The following DTD1 variants were observed in gnomAD, a reference collection of about 807,000 sequenced individuals.
DTD1 encodes the protein D-tyrosyl-tRNA deacylase 1 homolog.
In DTD1, 13 loss-of-function variants were observed where a neutral mutation model predicts 25.6. The ratio of observed to expected loss-of-function variants is 0.51; its 90% CI spans 0.33 to 0.81. The LOEUF (loss-of-function observed/expected upper bound fraction) is 0.81, where lower values mean the gene tolerates loss of function less well. DTD1 is among the 30% of genes least tolerant of loss of function. The pLI is 0.02. For missense variants in DTD1, 193 were observed against 266.4 expected, an observed-to-expected ratio of 0.72 and a Z score of 1.92; for synonymous variants, 110 against 103.6, an observed-to-expected ratio of 1.06 and a Z score of -0.37.
At chr20:18,663,225 A>C (rs2060918334) in intron 4 of DTD1, among the ~76,000 whole-genome samples, 1 of 152,174 alleles carries the variant, frequency 6.6e-6, no homozygotes, top group South Asian at 2.1e-4. Context: ...AGTTTCATAG[A>C]AAGTGTCCAT....
intron 4 of DTD1, among the ~76,000 whole-genome samples, chr20:18,637,957 G>A (rs1255727737): frequency 1.3e-5 from 2 of 152,104 alleles, no homozygotes; most frequent in Non-Finnish European, 2.9e-5. Flanking sequence ...CATCTTTTAA[G>A]GTTCATTTCA....
intron 4 of DTD1, chr20:18,643,529 A>T (rs1390408975): frequency 1.3e-5 from 2 of 156,888 alleles, no homozygotes; most frequent in African/African-American, 4.8e-5. Context: ...GATTGAAGCT[A>T]TTGATGAGAA....
intron 5 of DTD1, among the ~76,000 whole-genome samples, chr20:18,753,701 C>T (rs2061329256): frequency 6.6e-6 from 1 of 150,816 alleles, no homozygotes; most frequent in Non-Finnish European, 1.5e-5. Flanking sequence ...AAATAAAAGC[C>T]AATTGCTGTC....
At chr20:18,693,892 G>C (rs2061059498) in intron 4 of DTD1, among the ~76,000 whole-genome samples, 1 of 152,104 alleles carries the variant, frequency 6.6e-6, no homozygotes. Flanking sequence ...CAACATGCTA[G>C]CACCAGCCAC....
intron 4 of DTD1, among the ~76,000 whole-genome samples, chr20:18,662,785 A>G (rs1353074674): frequency 6.6e-6 from 1 of 152,154 alleles, no homozygotes; most frequent in Non-Finnish European, 1.5e-5. Flanking sequence ...TTAAATAGAT[A>G]TAAAACAGCC....
At chr20:18,605,921 A>G (rs1205943308) in intron 3 of DTD1, among the ~76,000 whole-genome samples, 3 of 150,440 alleles carry the variant, frequency 2.0e-5, no homozygotes, top group Non-Finnish European at 4.4e-5. Flanking sequence ...GACAAAATTG[A>G]CAAATGGGAT....
chr20:18,688,547 G>A (rs2122428303), intron 4 of DTD1, among the ~76,000 whole-genome samples: 1 of 152,230 alleles, frequency 6.6e-6, no homozygotes, highest in African/African-American at 2.4e-5. Context: ...GAGACAGGGT[G>A]ACCCTGCGGC....
intron 4 of DTD1, among the ~76,000 whole-genome samples, chr20:18,639,220 G>T (rs923526904): frequency 6.7e-6 from 1 of 148,350 alleles, no homozygotes. Context: ...CAGGGAAGCA[G>T]TCTCCTTTTT....
chr20:18,761,998 G>A (rs1275452180), intron 5 of DTD1, among the ~76,000 whole-genome samples: 2 of 152,196 alleles, frequency 1.3e-5, no homozygotes, highest in African/African-American at 4.8e-5. Flanking sequence ...GTGTACGAGG[G>A]TAGCCCTTGG....
intron 4 of DTD1, among the ~76,000 whole-genome samples, chr20:18,724,736 G>C (rs925146928): frequency 6.6e-6 from 1 of 152,180 alleles, no homozygotes; most frequent in Non-Finnish European, 1.5e-5. Flanking sequence ...AAAAACAGGA[G>C]CCTTCCCTCC....
chr20:18,645,601 A>G (rs573018063), intron 4 of DTD1, among the ~76,000 whole-genome samples: 2 of 152,254 alleles, frequency 1.3e-5, no homozygotes, highest in African/African-American at 4.8e-5. Context: ...GTGGAATACT[A>G]TACAAAGGAA....
chr20:18,755,992 G>A (rs1443994759), intron 5 of DTD1, among the ~76,000 whole-genome samples: 1 of 152,088 alleles, frequency 6.6e-6, no homozygotes, highest in Non-Finnish European at 1.5e-5. Flanking sequence ...ATCTCATTGT[G>A]GTTTTGATTT....
chr20:18,706,408 T>C (rs1002373543), intron 4 of DTD1, among the ~76,000 whole-genome samples: 1 of 152,242 alleles, frequency 6.6e-6, no homozygotes, highest in African/African-American at 2.4e-5. Context: ...CTCTTTGCTG[T>C]TGCTTTAGAC....
intron 4 of DTD1, among the ~76,000 whole-genome samples, chr20:18,642,222 A>G (rs1424573286): frequency 6.6e-6 from 1 of 152,190 alleles, no homozygotes; most frequent in East Asian, 1.9e-4. Context: ...ACAGCTGTCA[A>G]AATCAGAAAA....
intron 5 of DTD1, among the ~76,000 whole-genome samples, chr20:18,754,636 A>G (rs986441550): frequency 1.1e-4 from 17 of 152,226 alleles, no homozygotes; most frequent in African/African-American, 2.7e-4. Flanking sequence ...GATGGACCTC[A>G]CAGATAGCTC....
chr20:18,760,870 C>T (rs1000815703), intron 5 of DTD1, among the ~76,000 whole-genome samples: 22 of 152,344 alleles, frequency 1.4e-4, no homozygotes, highest in East Asian at 3.9e-4. Context: ...CCTTGAGCTG[C>T]GGTGGGCTCC....
At chr20:18,611,636 C>T (rs1472716503) in intron 3 of DTD1, among the ~76,000 whole-genome samples, 1 of 152,142 alleles carries the variant, frequency 6.6e-6, no homozygotes, top group Non-Finnish European at 1.5e-5. Context: ...TGCCAGCACC[C>T]ATGCGGTTAG....
At chr20:18,652,114 C>T (rs948713052) in intron 4 of DTD1, among the ~76,000 whole-genome samples, 9 of 152,178 alleles carry the variant, frequency 5.9e-5, no homozygotes, top group Admixed American at 1.3e-4. Flanking sequence ...CTGAAGCTAA[C>T]GTGGAACTGT....
chr20:18,656,389 T>C (rs2060891722), intron 4 of DTD1, among the ~76,000 whole-genome samples: 1 of 152,210 alleles, frequency 6.6e-6, no homozygotes, highest in Non-Finnish European at 1.5e-5. Flanking sequence ...TTAATTTTGC[T>C]AAAGTACTAC....
Sources: allele counts gnomAD v4.1 joint callset (sites outside exome capture counted in the v4.1 genomes callset), GRCh38; gene constraint gnomAD v4.1.1; transcripts MANE v1.5; gene names NCBI Gene and HGNC (gene_info 2026-07-23, HGNC 2026-07-21).